Variants in FRMPD4 observed in about 807,000 individuals in gnomAD.
The protein encoded by FRMPD4 is FERM and PDZ domain-containing protein 4.
In FRMPD4, 22 loss-of-function variants were observed where a neutral mutation model predicts 94.1. The observed-to-expected ratio is 0.23, with a 90% CI of 0.17 to 0.33. The LOEUF (loss-of-function observed/expected upper bound fraction) is 0.33. FRMPD4 is among the 10% of genes least tolerant of loss of function. The pLI is 1.00. For missense variants in FRMPD4, 1,111 were observed against 1,339.9 expected (o/e 0.83, Z 2.67); for synonymous variants, 631 against 548.6 (o/e 1.15, Z -2.10).
chrX:12,340,855 G>A (rs145381283), intron 1 of FRMPD4, among the ~76,000 whole-genome samples: 2,120 of 111,167 alleles, frequency 0.019, 28 homozygotes, highest in Non-Finnish European at 0.025. Flanking sequence ...TTTCAATGAC[G>A]TGACTTTTCA....
At chrX:12,703,038 T>A (rs1602347685) in intron 10 of FRMPD4, among the ~76,000 whole-genome samples, 1 of 112,738 alleles carries the variant, frequency 8.9e-6, no homozygotes, top group South Asian at 3.7e-4. Flanking sequence ...TAAAATGCAT[T>A]TCTTTTCCTA....
At chrX:12,007,465 C>A (rs1256982223) in intron 3 of FRMPD4, among the ~76,000 whole-genome samples, 1 of 112,147 alleles carries the variant, frequency 8.9e-6, no homozygotes, top group Non-Finnish European at 1.9e-5. Context: ...CCCATGGCTT[C>A]CCTAAGAGCC....
At chrX:12,407,302 A>G (rs1029756387) in intron 1 of FRMPD4, among the ~76,000 whole-genome samples, 2 of 112,035 alleles carry the variant, frequency 1.8e-5, no homozygotes, top group African/African-American at 3.2e-5. Flanking sequence ...TATGACATCA[A>G]TTGTGCTTGA....
chrX:12,625,166 C>T (rs1033387952), intron 4 of FRMPD4, among the ~76,000 whole-genome samples: 1 of 111,357 alleles, frequency 9.0e-6, no homozygotes, highest in Non-Finnish European at 1.9e-5. Flanking sequence ...GAAAGGGGAA[C>T]CCTCATACCA....
intron 3 of FRMPD4, among the ~76,000 whole-genome samples, chrX:11,888,851 T>A (rs1265037657): frequency 8.9e-6 from 1 of 112,475 alleles, no homozygotes; most frequent in Non-Finnish European, 1.9e-5. Flanking sequence ...AGATAAGAAG[T>A]GAGCACATGC....
At chrX:11,862,960 G>GTTTTTT (rs772255596) in intron 1 of FRMPD4, among the ~76,000 whole-genome samples, 1 of 47,673 alleles carries the variant, frequency 2.1e-5, no homozygotes, top group Admixed American at 2.9e-4. Flanking sequence ...AGGGAACTTG[G>GTTTTTT]TTTTTTTTTT....
chrX:12,407,840 T>G (rs1300672420), intron 1 of FRMPD4, among the ~76,000 whole-genome samples: 2 of 111,624 alleles, frequency 1.8e-5, no homozygotes, highest in Admixed American at 9.5e-5. Context: ...AGGACAGATT[T>G]TGTGTGCACA....
rs192085209 is a variant in FRMPD4 at position 12,694,241 on chromosome X, C to A, written c.814-94C>A. On this transcript the variant is annotated intron_variant, in intron 8 of 16. Transcript: ENST00000675598. ...TAAAAGAATATCCGCTGATTCTTTC[C>A]TTAGTGTCCAAAAAAAGTCGACTGC... The A allele has an allele frequency of 4.3e-4, 267 of 614,932 alleles. No homozygotes were observed. The Middle Eastern group carries it at 0.014, about 32-fold the overall frequency. The allele number at this position is 614,932 out of a possible 1,213,427, so 50.7% of individuals were successfully genotyped here.
chrX:12,296,675 T>C (rs540986135), intron 1 of FRMPD4, among the ~76,000 whole-genome samples: 2 of 112,328 alleles, frequency 1.8e-5, no homozygotes, highest in South Asian at 7.4e-4. Context: ...CTGAGTTATT[T>C]AGATTCAACT....
intron 2 of FRMPD4, chrX:12,583,552 C>G: frequency 1.1e-6 from 1 of 879,375 alleles, no homozygotes; most frequent in Non-Finnish European, 1.6e-6. Flanking sequence ...ACCAAAACCA[C>G]GCTCCAGCGC....
intron 14 of FRMPD4, among the ~76,000 whole-genome samples, chrX:12,714,886 C>A (rs4830798): frequency 0.11 from 12,558 of 111,610 alleles, 1,097 homozygotes; most frequent in East Asian, 0.72. Context: ...TCAATGTCTT[C>A]AAAATTATAT....
At chrX:12,526,482 C>T (rs1048701756) in intron 2 of FRMPD4, among the ~76,000 whole-genome samples, 2 of 112,530 alleles carry the variant, frequency 1.8e-5, no homozygotes, top group Admixed American at 9.4e-5. Flanking sequence ...TAGCAGTTGA[C>T]GGAGTGCAGA....
At chrX:12,478,487 T>G (rs780373444) in intron 1 of FRMPD4, among the ~76,000 whole-genome samples, 3 of 111,698 alleles carry the variant, frequency 2.7e-5, no homozygotes, top group Non-Finnish European at 5.6e-5. Flanking sequence ...GGAGGTTGCA[T>G]TGGGAGGATC....
rs765577378 is a variant in FRMPD4, at chrX:12,716,623, G to A, written c.2164G>A (p.Val722Met). The change falls in exon 15 of 17, where the codon GTG (valine) becomes ATG (methionine). Residue 722 changes from valine (V) to methionine (M), a missense_variant. By Grantham distance (21) the Val-to-Met change is conservative (BLOSUM62 1). Coordinates refer to ENST00000675598, the MANE Select transcript of FRMPD4 (RefSeq NM_001368397.1). ...ENSVYANIGD[V>M]KSFQAAEGIE... The stretch of plus-strand genomic sequence containing the variant: ...TTCTGTTTATGCAAACATAGGCGAT[G>A]TGAAGAGCTTCCAGGCCGCGGAGGG... The A allele has an allele frequency of 2.4e-5, 29 of 1,209,707 alleles. No individual in the cohort carries two copies. Among genetic ancestry groups the A allele is most frequent in the Non-Finnish European group, 3.2e-5 (29 of 894,885 alleles).
chrX:12,197,256 G>A (rs1398116349), intron 1 of FRMPD4, among the ~76,000 whole-genome samples: 2 of 111,035 alleles, frequency 1.8e-5, no homozygotes, highest in East Asian at 5.7e-4. Context: ...GCCAAGCCAT[G>A]ACACACTTTA....
intron 1 of FRMPD4, among the ~76,000 whole-genome samples, chrX:12,381,364 A>G (rs897191825): frequency 1.8e-5 from 2 of 112,252 alleles, no homozygotes; most frequent in African/African-American, 6.5e-5. Context: ...CGAACTATGA[A>G]ACTGTAAGGA....
At chrX:12,280,308 T>C (rs2054504808) in intron 1 of FRMPD4, among the ~76,000 whole-genome samples, 1 of 108,574 alleles carries the variant, frequency 9.2e-6, no homozygotes, top group Non-Finnish European at 1.9e-5. Context: ...AGAACAAGAC[T>C]ATCCTAGGGA....
chrX:12,428,262 A>T (rs754316291), intron 1 of FRMPD4, among the ~76,000 whole-genome samples: 1 of 111,535 alleles, frequency 9.0e-6, no homozygotes, highest in South Asian at 3.8e-4. Flanking sequence ...TGCCTAGCCA[A>T]GTATCACAGT....
intron 3 of FRMPD4, among the ~76,000 whole-genome samples, chrX:11,973,684 T>G (rs2054352642): frequency 8.9e-6 from 1 of 112,267 alleles, no homozygotes; most frequent in East Asian, 2.8e-4. Context: ...TTTTGTCTTT[T>G]GTATTCTTCT....
Sources: allele counts gnomAD v4.1 joint callset (sites outside exome capture counted in the v4.1 genomes callset), GRCh38; gene constraint gnomAD v4.1.1; transcripts MANE v1.5; gene names NCBI Gene and HGNC (gene_info 2026-07-23, HGNC 2026-07-21).